Variants in CLASP1 observed in about 807,000 individuals in gnomAD.
CLASP1 encodes cytoplasmic linker associated protein 1.
Under a neutral mutation model 192.3 loss-of-function variants are expected in CLASP1, and 38 were observed. That is an observed-to-expected ratio of 0.20 (90% CI 0.15 to 0.26). The LOEUF (loss-of-function observed/expected upper bound fraction) is 0.26, where lower values mean the gene tolerates loss of function less well. Among genes scored for constraint, CLASP1 ranks in the 10% least tolerant of loss-of-function variants. The pLI is 1.00. For synonymous variants in CLASP1, 691 were observed against 712.8 expected (o/e 0.97, Z 0.49); for missense variants, 1,433 against 1,932.5 (o/e 0.74, Z 4.85).
chr2:121,459,071 T>A, intron 12 of CLASP1, 96 bp from the exon 13 acceptor site: 1 of 882,664 alleles, frequency 1.1e-6, no homozygotes, highest in Non-Finnish European at 1.6e-6. Context: ...TTTAAAGTTA[T>A]CTAGAAAGGA....
chr2:121,504,386 AAT>A (rs1375771183), intron 7 of CLASP1, among the ~76,000 whole-genome samples: 2 of 152,190 alleles, frequency 1.3e-5, no homozygotes, highest in Non-Finnish European at 1.5e-5. Flanking sequence ...CATCATTTCA[AAT>A]ATGTTTGCCT....
chr2:121,541,627 C>A (rs950705797), intron 2 of CLASP1, among the ~76,000 whole-genome samples: 3 of 152,160 alleles, frequency 2.0e-5, no homozygotes, highest in African/African-American at 7.2e-5. Context: ...CAAACGTCAG[C>A]CTCGGCGCTA....
chr2:121,428,001 A>G (rs1381278780), intron 20 of CLASP1, among the ~76,000 whole-genome samples: 1 of 152,234 alleles, frequency 6.6e-6, no homozygotes, highest in Admixed American at 6.5e-5. Context: ...TTAAATATTT[A>G]ATTTATATGC....
At chr2:121,360,100 C>T (rs1396148307) in intron 37 of CLASP1, among the ~76,000 whole-genome samples, 1 of 152,186 alleles carries the variant, frequency 6.6e-6, no homozygotes, top group Non-Finnish European at 1.5e-5. Flanking sequence ...ATAGTCAGAG[C>T]CACAGTGCAC....
chr2:121,495,337 A>ATAAATGAATAAAAAAT (rs1438250660), intron 8 of CLASP1, among the ~76,000 whole-genome samples: 1 of 151,954 alleles, frequency 6.6e-6, no homozygotes, highest in African/African-American at 2.4e-5. Flanking sequence ...ACATAAATAA[A>ATAAATGAATAAAAAAT]TAAAAATATT....
intron 1 of CLASP1, among the ~76,000 whole-genome samples, chr2:121,625,283 C>A (rs899141719): frequency 9.2e-5 from 14 of 152,078 alleles, no homozygotes; most frequent in African/African-American, 3.1e-4. Context: ...ATTCCATGTG[C>A]ATGTACAAAT....
At chr2:121,633,724 G>A (rs1038588062) in intron 1 of CLASP1, among the ~76,000 whole-genome samples, 1 of 152,024 alleles carries the variant, frequency 6.6e-6, no homozygotes, top group African/African-American at 2.4e-5. Flanking sequence ...CAACAAAACA[G>A]GGCCAGGCAC....
At chr2:121,472,474 A>G (rs910468998) in intron 8 of CLASP1, among the ~76,000 whole-genome samples, 6 of 152,236 alleles carry the variant, frequency 3.9e-5, no homozygotes, top group African/African-American at 1.4e-4. Context: ...AAACAAGGCA[A>G]GCTATACAAT....
chr2:121,636,676 C>T (rs997642418), intron 1 of CLASP1, among the ~76,000 whole-genome samples: 3 of 151,764 alleles, frequency 2.0e-5, no homozygotes, highest in Non-Finnish European at 4.4e-5. Context: ...AAAAAAATAA[C>T]AATAATAATA....
intron 1 of CLASP1, among the ~76,000 whole-genome samples, chr2:121,608,924 G>A (rs556292827): frequency 1.3e-5 from 2 of 152,118 alleles, no homozygotes; most frequent in Non-Finnish European, 2.9e-5. Flanking sequence ...GTCAGCTTCT[G>A]TGCTTACGTA....
exon 38 of CLASP1, chr2:121,348,632 G>C (rs746559768): frequency 1.9e-6 from 3 of 1,613,956 alleles, no homozygotes; most frequent in Non-Finnish European, 2.5e-6. Context: ...CGGCCGTCTG[G>C]ATGATGGGGC....
chr2:121,575,345 A>C (rs1204610922), intron 2 of CLASP1, among the ~76,000 whole-genome samples: 1 of 151,980 alleles, frequency 6.6e-6, no homozygotes, highest in East Asian at 1.9e-4. Flanking sequence ...GACCTCAGAT[A>C]ATCTGCCTGC....
chr2:121,344,837 A>G (rs1445678298), intron 39 of CLASP1, among the ~76,000 whole-genome samples: 3 of 152,158 alleles, frequency 2.0e-5, no homozygotes, highest in African/African-American at 7.2e-5. Flanking sequence ...TACAAAGTTC[A>G]TATGAACATA....
chr2:121,356,023 G>A (rs1221708713), intron 37 of CLASP1, among the ~76,000 whole-genome samples: 1 of 152,162 alleles, frequency 6.6e-6, no homozygotes, highest in African/African-American at 2.4e-5. Context: ...GAATACTGGT[G>A]AATGTTTGCT....
intron 38 of CLASP1, 143 bp downstream of exon 39, chr2:121,348,369 C>T (rs1264026805): frequency 3.2e-5 from 22 of 679,678 alleles, no homozygotes; most frequent in Non-Finnish European, 5.5e-5. Flanking sequence ...TGTGAAGTGT[C>T]CCTGCCACAC....
chr2:121,604,428 G>C (rs2105901619), intron 2 of CLASP1, among the ~76,000 whole-genome samples: 1 of 152,304 alleles, frequency 6.6e-6, no homozygotes, highest in Admixed American at 6.5e-5. Flanking sequence ...CGGCATTTTG[G>C]GAGGAGGAGG....
chr2:121,568,371 G>A (rs1435238444), intron 2 of CLASP1, among the ~76,000 whole-genome samples: 1 of 151,994 alleles, frequency 6.6e-6, no homozygotes, highest in African/African-American at 2.4e-5. Context: ...TCCTCACACT[G>A]GGGCAGTCTA....
rs2064372540 is a variant in CLASP1 at position 121,351,378 on chromosome 2, TTTC to T, written c.4207-2663_4207-2661del. Among the ~76,000 whole-genome samples the T allele has an allele frequency of 3.9e-5, 6 of 152,358 alleles. No individual in the cohort carries two copies. In the South Asian group the frequency reaches 1.2e-3, roughly 32 times the overall value. The stretch of plus-strand genomic sequence containing the variant: ...ATTTCTGGTGGCATTTCCATGTGTG[TTTC>T]TTCTTATCAAACATCCAGGAACTGA... On this transcript the variant is annotated intron_variant, in intron 37 of 39. Coordinates refer to ENST00000263710, the Ensembl canonical transcript of CLASP1.
chr2:121,430,244 A>G, intron 19 of CLASP1, 67 bp from the exon 20 acceptor site: 1 of 1,257,472 alleles, frequency 8.0e-7, no homozygotes, highest in African/African-American at 1.5e-5. Flanking sequence ...CAAGAAAAGA[A>G]GCCATGCCCC....
Sources: allele counts gnomAD v4.1 joint callset (sites outside exome capture counted in the v4.1 genomes callset), GRCh38; gene constraint gnomAD v4.1.1; transcripts MANE v1.5; gene names NCBI Gene and HGNC (gene_info 2026-07-23, HGNC 2026-07-21).